Variants in FHIT observed in about 807,000 individuals in gnomAD.
FHIT encodes bis(5'-adenosyl)-triphosphatase.
In FHIT, 19 loss-of-function variants were observed where a neutral mutation model predicts 17.9. The ratio of observed to expected loss-of-function variants is 1.06; its 90% CI spans 0.74 to 1.56. The LOEUF is 1.56. Among genes scored for constraint, FHIT ranks in the 40% most tolerant of loss-of-function variants. The pLI, the probability that FHIT is intolerant of heterozygous loss-of-function variation, is 0.00. For synonymous variants in FHIT, 81 were observed against 69.7 expected (o/e 1.16, Z -0.81); for missense variants, 248 against 189.2 (o/e 1.31, Z -1.82).
intron 5 of FHIT, among the ~76,000 whole-genome samples, chr3:60,324,054 G>A (rs1709559230): frequency 6.6e-6 from 1 of 152,084 alleles, no homozygotes; most frequent in South Asian, 2.1e-4. Flanking sequence ...AACAATAGAA[G>A]CAATAATGAT....
chr3:60,330,924 T>C (rs995950072), intron 5 of FHIT, among the ~76,000 whole-genome samples: 2 of 152,144 alleles, frequency 1.3e-5, no homozygotes, highest in African/African-American at 4.8e-5. Flanking sequence ...CCAACCACAG[T>C]CTTGTTCACA....
At chr3:60,868,306 T>C (rs1704251832) in intron 3 of FHIT, among the ~76,000 whole-genome samples, 1 of 152,128 alleles carries the variant, frequency 6.6e-6, no homozygotes, top group Non-Finnish European at 1.5e-5. Context: ...AGTCTACAGT[T>C]GAATGGCCAA....
chr3:60,789,059 G>GA (rs1559723557), intron 4 of FHIT, among the ~76,000 whole-genome samples: 1 of 147,466 alleles, frequency 6.8e-6, no homozygotes, highest in Non-Finnish European at 1.5e-5. Context: ...ACTGAGAGTT[G>GA]AAAAAAAATA....
At chr3:60,907,836 T>C (rs532026669) in intron 3 of FHIT, among the ~76,000 whole-genome samples, 10 of 152,348 alleles carry the variant, frequency 6.6e-5, no homozygotes, top group African/African-American at 2.4e-4. Flanking sequence ...TTAGAGAGGT[T>C]TGCAATACTA....
At chr3:59,817,562 T>TAAAAAAAAAAAAAAAAAAAAAAAAAAAAA (rs10691937) in intron 8 of FHIT, among the ~76,000 whole-genome samples, 1 of 93,938 alleles carries the variant, frequency 1.1e-5, no homozygotes, top group African/African-American at 4.7e-5. Flanking sequence ...CACCCGTCAC[T>TAAAAAAAAAAAAAAAAAAAAAAAAAAAAA]AAAAAAAAAA....
chr3:60,730,268 G>C (rs775843209), intron 4 of FHIT: 1 of 265,516 alleles, frequency 3.8e-6, no homozygotes, highest in Non-Finnish European at 8.1e-6. Context: ...ATTTCTTCTA[G>C]TTTGTTCTGG....
chr3:60,982,378 C>T (rs983800516), intron 3 of FHIT, among the ~76,000 whole-genome samples: 1 of 152,208 alleles, frequency 6.6e-6, no homozygotes, highest in Non-Finnish European at 1.5e-5. Context: ...CTTCCCTGCA[C>T]TTCAGTTCCT....
intron 8 of FHIT, among the ~76,000 whole-genome samples, chr3:59,854,839 G>A (rs1486751376): frequency 2.0e-5 from 3 of 152,174 alleles, no homozygotes; most frequent in Non-Finnish European, 4.4e-5. Flanking sequence ...GAGGCCTTTG[G>A]TATTAATAGG....
chr3:59,798,622 A>G (rs1699873098), intron 8 of FHIT, among the ~76,000 whole-genome samples: 1 of 152,236 alleles, frequency 6.6e-6, no homozygotes, highest in Non-Finnish European at 1.5e-5. Context: ...TACACAAAGA[A>G]GTAGCGGCTG....
chr3:60,617,909 A>G, intron 4 of FHIT: 1 of 219,260 alleles, frequency 4.6e-6, no homozygotes. Context: ...CCTTCTGTGA[A>G]AGTAATTTGT....
intron 1 of FHIT, among the ~76,000 whole-genome samples, chr3:61,238,068 G>T (rs2040277005): frequency 6.6e-6 from 1 of 152,110 alleles, no homozygotes; most frequent in South Asian, 2.1e-4. Context: ...TTCTATGCAT[G>T]GAGACAGCAA....
chr3:60,085,697 A>C (rs933102090), intron 5 of FHIT, among the ~76,000 whole-genome samples: 2 of 152,184 alleles, frequency 1.3e-5, no homozygotes, highest in Non-Finnish European at 2.9e-5. Context: ...AAAGTCTTCT[A>C]AGTGTTCTCT....
chr3:60,789,015 A>C (rs979039897), intron 4 of FHIT, among the ~76,000 whole-genome samples: 3 of 151,866 alleles, frequency 2.0e-5, no homozygotes, highest in African/African-American at 7.3e-5. Context: ...CTGGCTAAAG[A>C]CATTCCCTAA....
At chr3:60,098,992 A>C (rs1050570320) in intron 5 of FHIT, among the ~76,000 whole-genome samples, 6 of 152,156 alleles carry the variant, frequency 3.9e-5, no homozygotes, top group African/African-American at 1.4e-4. Flanking sequence ...TATGGAAAGG[A>C]TAGGCCAATG....
chr3:61,065,179 A>G (rs1285945785), intron 2 of FHIT, among the ~76,000 whole-genome samples: 1 of 152,098 alleles, frequency 6.6e-6, no homozygotes, highest in Non-Finnish European at 1.5e-5. Context: ...ACAGCTTCCA[A>G]TATTCAAGGA....
chr3:60,944,371 G>T (rs1184648692), intron 3 of FHIT, among the ~76,000 whole-genome samples: 1 of 151,412 alleles, frequency 6.6e-6, no homozygotes, highest in East Asian at 1.9e-4. Context: ...TCTGTTCTCA[G>T]TATCACTGGA....
chr3:60,014,102 G>C lies in FHIT; in HGVS notation c.154C>G (p.Pro52Ala). The part of the protein sequence containing the change: ...RPVERFHDLR[P>A]DEVADLFQTT... ...TGAAACAAATCGGCCACTTCATCAG[G>C]ACGCAGGTCATGGAAGCGCTCCACT... The change falls in exon 6 of 10, where the codon CCT (proline) becomes GCT (alanine). Residue 52 changes from proline to alanine, a missense_variant. Transcript: ENST00000492590. 6.2e-7 allele frequency: 1 copy of C among 1,614,084 alleles called. No homozygotes were observed. Among genetic ancestry groups the C allele is most frequent in the East Asian group, 2.2e-5 (1 of 44,842 alleles).
chr3:59,989,303 T>G (rs1040298296), intron 7 of FHIT, among the ~76,000 whole-genome samples: 2 of 151,944 alleles, frequency 1.3e-5, no homozygotes, highest in African/African-American at 4.8e-5. Context: ...TCAGTTTAGC[T>G]TCAGAGGGAA....
intron 8 of FHIT, among the ~76,000 whole-genome samples, chr3:59,863,632 A>G (rs1009952660): frequency 1.3e-5 from 2 of 152,172 alleles, no homozygotes; most frequent in Non-Finnish European, 2.9e-5. Flanking sequence ...GTCACTCAAT[A>G]CTTCTGAATA....
Sources: allele counts gnomAD v4.1 joint callset (sites outside exome capture counted in the v4.1 genomes callset), GRCh38; gene constraint gnomAD v4.1.1; transcripts MANE v1.5; gene names NCBI Gene and HGNC (gene_info 2026-07-23, HGNC 2026-07-21).